Variants in DNAAF11 observed in about 807,000 individuals in gnomAD.
The protein encoded by DNAAF11 is dynein axonemal assembly factor 11, also known as leucine rich repeat containing 6.
Under a neutral mutation model 60.8 loss-of-function variants are expected in DNAAF11, and 45 were observed. The observed-to-expected ratio is 0.74, with a 90% CI of 0.58 to 0.95. The LOEUF (loss-of-function observed/expected upper bound fraction) is 0.95, where lower values mean the gene tolerates loss of function less well. DNAAF11 is among the 40% of genes least tolerant of loss of function. DNAAF11 has a pLI of 0.00. For synonymous variants in DNAAF11, 191 were observed against 183.5 expected, an observed-to-expected ratio of 1.04 and a Z score of -0.33; for missense variants, 546 against 546.2, an observed-to-expected ratio of 1.00 and a Z score of 0.00.
intron 3 of DNAAF11, among the ~76,000 whole-genome samples, chr8:132,651,287 G>A (rs1403646195): frequency 1.3e-5 from 2 of 151,376 alleles, no homozygotes; most frequent in Non-Finnish European, 2.9e-5. Flanking sequence ...AAAAAAAAAA[G>A]GATACTAGCT....
chr8:132,576,884 G>C (rs1214200737), intron 11 of DNAAF11, among the ~76,000 whole-genome samples: 2 of 152,212 alleles, frequency 1.3e-5, no homozygotes, highest in Non-Finnish European at 2.9e-5. Context: ...TGGAAGAAGG[G>C]AGAGGGGCAG....
chr8:132,620,339 T>A (rs1586603579), intron 7 of DNAAF11, among the ~76,000 whole-genome samples: 1 of 152,118 alleles, frequency 6.6e-6, no homozygotes, highest in African/African-American at 2.4e-5. Context: ...TCATTTTTCT[T>A]TTCCTTTTTT....
chr8:132,577,112 T>A (rs1170221204), intron 11 of DNAAF11, among the ~76,000 whole-genome samples: 1 of 152,190 alleles, frequency 6.6e-6, no homozygotes, highest in Non-Finnish European at 1.5e-5. Context: ...GAGCTCCTAC[T>A]GTGCCCTTCC....
chr8:132,575,522 A>G (rs1046557309), intron 11 of DNAAF11, among the ~76,000 whole-genome samples: 1 of 152,170 alleles, frequency 6.6e-6, no homozygotes. Context: ...TGAGGAGGAC[A>G]CACGTATACT....
rs28552978 is a variant in DNAAF11, at chr8:132,597,364, C to A, written c.1140+12802G>T. Among the ~76,000 whole-genome samples, 3 of 152,122 alleles carry A rather than the reference C, an allele frequency of 2.0e-5. No homozygotes were observed. The East Asian group carries it at 5.8e-4, about 29-fold the overall frequency. On this transcript the variant is annotated intron_variant, in intron 10 of 11. Coordinates refer to ENST00000620350, the MANE Select transcript of DNAAF11 (RefSeq NM_012472.6). Reference sequence around the variant, plus strand: ...CATACCTAGGAGCCTCACCTCGCAACGGGAGGCCTGTGAGTTTCCAGTGCC... The same window carrying A: ...CATACCTAGGAGCCTCACCTCGCAAAGGGAGGCCTGTGAGTTTCCAGTGCC...
chr8:132,698,971 CA>C, the DNAAF11 span, among the ~76,000 whole-genome samples: 25 of 142,394 alleles, frequency 1.8e-4, no homozygotes, highest in African/African-American at 6.2e-4. Flanking sequence ...CACACACACA[CA>C]AAAAAAATTA....
chr8:132,597,065 G>T (rs959910230), intron 10 of DNAAF11, among the ~76,000 whole-genome samples: 2 of 152,212 alleles, frequency 1.3e-5, no homozygotes, highest in African/African-American at 4.8e-5. Context: ...TTGCAGTTCT[G>T]CAGAAGCTAT....
At chr8:132,613,948 A>C (rs1027836991) in intron 8 of DNAAF11, among the ~76,000 whole-genome samples, 1 of 151,488 alleles carries the variant, frequency 6.6e-6, no homozygotes, top group Non-Finnish European at 1.5e-5. Flanking sequence ...TCAATGTCAT[A>C]CTCCCATCAT....
At chr8:132,671,462 C>T (rs1373805579) in intron 1 of DNAAF11, among the ~76,000 whole-genome samples, 1 of 152,136 alleles carries the variant, frequency 6.6e-6, no homozygotes, top group South Asian at 2.1e-4. Context: ...CTCCCCAAAT[C>T]GAGCTACAGA....
At chr8:132,645,586 A>G (rs1352823609) in intron 3 of DNAAF11, among the ~76,000 whole-genome samples, 1 of 152,114 alleles carries the variant, frequency 6.6e-6, no homozygotes, top group Non-Finnish European at 1.5e-5. Flanking sequence ...AAGAAGCTAA[A>G]AACCTTGAAA....
chr8:132,575,408 G>T (rs1423940355), intron 11 of DNAAF11, among the ~76,000 whole-genome samples: 4 of 152,242 alleles, frequency 2.6e-5, no homozygotes, highest in Non-Finnish European at 5.9e-5. Flanking sequence ...AGTTCGTTAT[G>T]AAATTCAGTA....
At chr8:132,627,667 C>G (rs111979495) in intron 5 of DNAAF11, among the ~76,000 whole-genome samples, 1 of 152,156 alleles carries the variant, frequency 6.6e-6, no homozygotes, top group Non-Finnish European at 1.5e-5. Flanking sequence ...GGGGTGTGCA[C>G]GGGAAGAGGG....
intron 10 of DNAAF11, among the ~76,000 whole-genome samples, chr8:132,607,486 C>G (rs548849013): frequency 6.6e-6 from 1 of 152,208 alleles, no homozygotes; most frequent in South Asian, 2.1e-4. Flanking sequence ...AAAACATAAC[C>G]ATGACCCACA....
rs117811274 is a variant in DNAAF11, at chr8:132,662,056, A to C, written c.11-429T>G. ...TGTCAGAGGGCAGAAATATGAAAGC[A>C]TCTTCTACCATTCAGAAAATAAAGG... On this transcript the variant is annotated intron_variant, in intron 1 of 11. Coordinates refer to ENST00000620350, the MANE Select transcript of DNAAF11 (RefSeq NM_012472.6). Among the ~76,000 whole-genome samples the C allele has an allele frequency of 3.5e-3, 539 of 152,370 alleles. 2 individuals carry two copies. The highest frequency in any genetic ancestry group is 5.9e-3 in the Admixed American group (91 of 15,308).
At chr8:132,590,386 G>C (rs533977865) in intron 10 of DNAAF11, among the ~76,000 whole-genome samples, 25 of 152,250 alleles carry the variant, frequency 1.6e-4, no homozygotes, top group African/African-American at 5.5e-4. Flanking sequence ...GCTTTCTGCC[G>C]ACACCAACTT....
chr8:132,661,572 G>A lies in DNAAF11; in HGVS notation c.66C>T (p.Ser22=), dbSNP rs200925027. The stretch of plus-strand genomic sequence containing the variant: ...GCTGATGCAACGAGAGTTCCTCCAG[G>A]GAAAAAATGACACAGTCGTTGTGTT... ...NAEHNDCVIF[S]LEELSLHQQE... Residue 22 remains serine, a synonymous_variant, in exon 2 of 12, where the codon TCC becomes TCT. Transcript: ENST00000620350. 28 of 1,613,846 alleles carry A rather than the reference G, an allele frequency of 1.7e-5. 1 individual carries two copies. The South Asian group carries it at 2.1e-4, about 12-fold the overall frequency.
At chr8:132,657,003 T>C in intron 2 of DNAAF11, 96 bp from the exon 3 acceptor site, 1 of 510,774 alleles carries the variant, frequency 2.0e-6, no homozygotes, top group Non-Finnish European at 3.5e-6. Flanking sequence ...AATCTAAAGA[T>C]TATTATTATG....
At chr8:132,593,271 G>A (rs1232600459) in intron 10 of DNAAF11, among the ~76,000 whole-genome samples, 1 of 147,010 alleles carries the variant, frequency 6.8e-6, no homozygotes, top group African/African-American at 2.5e-5. Context: ...AAAGATATGT[G>A]TTTAGTATGA....
chr8:132,675,372 G>A (rs1825693527), intron 1 of DNAAF11, 112 bp downstream of exon 1: 1 of 1,266,714 alleles, frequency 7.9e-7, no homozygotes, highest in Non-Finnish European at 1.1e-6. Context: ...GGTCCGCCCA[G>A]GCGCGGGGGA....
Sources: gnomAD v4.1 joint callset for allele counts (sites outside exome capture counted in the v4.1 genomes callset) on GRCh38, gnomAD v4.1.1 for gene constraint, MANE v1.5 for transcripts, NCBI Gene and HGNC (gene_info 2026-07-23, HGNC 2026-07-21) for gene names.